The following PCDHGB3 variants were observed in gnomAD, a reference collection of about 807,000 sequenced individuals.
PCDHGB3 encodes protocadherin gamma-B3.
A neutral mutation model predicts 59.2 loss-of-function variants in PCDHGB3; 40 were observed. The ratio of observed to expected loss-of-function variants is 0.68; its 90% confidence interval spans 0.52 to 0.88. PCDHGB3 has a LOEUF of 0.88. Among genes scored for constraint, PCDHGB3 ranks in the 40% least tolerant of loss-of-function variants. The pLI, the probability that PCDHGB3 is intolerant of heterozygous loss-of-function variation, is 0.00. For synonymous variants in PCDHGB3, 581 were observed against 503.6 expected (o/e 1.15, Z -2.06); for missense variants, 1,309 against 1,187.9 (o/e 1.10, Z -1.50).
chr5:141,442,596 T>C (rs2154559877), intron 1 of PCDHGB3: 1 of 152,310 alleles, frequency 6.6e-6, no homozygotes, highest in South Asian at 2.1e-4. Flanking sequence ...TTAAATATTT[T>C]CAGAGATCTC....
rs773048793 is a variant in PCDHGB3, at chr5:141,505,456, A to T, written c.2538A>T (p.Gln846His). The T allele has an allele frequency of 1.3e-5, 21 of 1,614,110 alleles. No homozygotes were observed. The highest frequency in any genetic ancestry group is 1.7e-5 in the Non-Finnish European group (20 of 1,180,044). The change falls in exon 3 of 4, where the codon CAA becomes CAT. Residue 846 changes from glutamine (Q) to histidine (H), a missense_variant. By Grantham distance (24) the Gln-to-His change is conservative (BLOSUM62 0). Coordinates refer to ENST00000576222, the MANE Select transcript of PCDHGB3 (RefSeq NM_018924.5). ...ACCAGTTTGACACAGAGATGCTGCA[A>T]GCCATGATCTTGGCGTCCGCCAGTG... ...PNNQFDTEML[Q>H]AMILASASEA...
chr5:141,414,702 A>G, intron 1 of PCDHGB3: 1 of 1,613,974 alleles, frequency 6.2e-7, no homozygotes, highest in Non-Finnish European at 8.5e-7. Context: ...CCTCATACAT[A>G]TCCATCAACT....
At chr5:141,433,028 G>C in intron 1 of PCDHGB3, 1 of 1,614,116 alleles carries the variant, frequency 6.2e-7, no homozygotes, top group Non-Finnish European at 8.5e-7. Context: ...TTCCCACGAG[G>C]TTTCCCTCAC....
rs1407225048 is a variant in PCDHGB3 at position 141,489,600 on chromosome 5, G to T, written c.2416-5207G>T. On this transcript the variant is annotated intron_variant, in intron 1 of 3. Coordinates refer to ENST00000576222, the MANE Select transcript of PCDHGB3 (RefSeq NM_018924.5). The surrounding 1 kb of genome is among the most constrained non-coding windows in gnomAD (Gnocchi z 4.5). ...ACCCCCTGGAGCTAATCCGTGTAGA[G>T]GTAGAGATCCTGGATCTCAATGACA... The T allele has an allele frequency of 7.4e-6, 12 of 1,613,916 alleles. 1 individual carries two copies. In the South Asian group the frequency reaches 1.2e-4, roughly 16 times the overall value.
intron 1 of PCDHGB3, chr5:141,419,113 C>A: frequency 6.2e-7 from 1 of 1,613,872 alleles, no homozygotes; most frequent in Non-Finnish European, 8.5e-7. Flanking sequence ...CCCCAGAGTA[C>A]AACGTCACCA....
At chr5:141,429,486 A>C (rs2097218130) in intron 1 of PCDHGB3, among the ~76,000 whole-genome samples, 1 of 152,114 alleles carries the variant, frequency 6.6e-6, no homozygotes, top group Non-Finnish European at 1.5e-5. Context: ...AGTAGCTGAG[A>C]CTACAGTTGC....
In PCDHGB3 at chr5:141,370,989, C is replaced by A; in HGVS notation, c.595C>A (p.Pro199Thr). The A allele has an allele frequency of 1.2e-6, 2 of 1,613,982 alleles. No individual in the cohort carries two copies. Among genetic ancestry groups the A allele is most frequent in the East Asian group, 2.2e-5 (1 of 44,884 alleles). ...GTACCCAGAGCTAGTACTGAAAGCACCCCTGGACAGGGAAGAGCAGCCACA... is the reference window on the plus strand; with the variant it reads ...GTACCCAGAGCTAGTACTGAAAGCAACCCTGGACAGGGAAGAGCAGCCACA... ...SRYPELVLKA[P>T]LDREEQPHHH... The change falls in exon 1 of 4, where the codon CCC becomes ACC. Residue 199 changes from proline to threonine, a missense_variant. By Grantham distance (38) the Pro-to-Thr change is conservative. Transcript: ENST00000576222.
At position 141,486,460 on chromosome 5, in the gene PCDHGB3, T is replaced by A. The variant is rs1218788640; in HGVS notation, c.2416-8347T>A. 6.2e-7 allele frequency: 1 copy of A among 1,614,146 alleles called. No individual in the cohort carries two copies. Among genetic ancestry groups the A allele is most frequent in the South Asian group, 1.1e-5 (1 of 91,082 alleles). On this transcript the variant is annotated intron_variant, in intron 1 of 3. Coordinates refer to ENST00000576222, the MANE Select transcript of PCDHGB3 (RefSeq NM_018924.5). The surrounding 1 kb of genome is among the most constrained non-coding windows in gnomAD (Gnocchi z 5.0). Reference sequence around the variant, plus strand: ...ATGACATCATGGTCACTGCTTCTGATGCTGGGAACCCTCCTCTCAGTACCC... The same window carrying A: ...ATGACATCATGGTCACTGCTTCTGAAGCTGGGAACCCTCCTCTCAGTACCC...
chr5:141,386,155 C>G (rs763846568), intron 1 of PCDHGB3, among the ~76,000 whole-genome samples: 1 of 152,160 alleles, frequency 6.6e-6, no homozygotes, highest in Non-Finnish European at 1.5e-5. Flanking sequence ...AACTGTCTCA[C>G]GTACTCAAAC....
At chr5:141,471,095 C>T (rs1266802067) in intron 1 of PCDHGB3, among the ~76,000 whole-genome samples, 1 of 144,764 alleles carries the variant, frequency 6.9e-6, no homozygotes, top group East Asian at 2.0e-4. Context: ...GTTGTCCAGG[C>T]TAGAGTGCAG....
chr5:141,468,230 TAGG>T (rs1451844939), intron 1 of PCDHGB3, among the ~76,000 whole-genome samples: 9 of 141,220 alleles, frequency 6.4e-5, no homozygotes, highest in South Asian at 2.2e-4. Context: ...GAGGATGAGG[TAGG>T]AGAATTGCCT....
chr5:141,398,088 C>T lies in PCDHGB3; in HGVS notation c.2415+25279C>T, dbSNP rs781722295. On this transcript the variant is annotated intron_variant, in intron 1 of 3. Coordinates refer to ENST00000576222, the MANE Select transcript of PCDHGB3 (RefSeq NM_018924.5). ...AATACAGAGGTTATTTGTAACCTGGCGTCTCCAGGCTGGTGAGCAAGCTGA... is the reference window on the plus strand; with the variant it reads ...AATACAGAGGTTATTTGTAACCTGGTGTCTCCAGGCTGGTGAGCAAGCTGA... The T allele has an allele frequency of 1.1e-5, 18 of 1,598,420 alleles. 1 individual carries two copies. In the South Asian group the frequency reaches 1.9e-4, roughly 17 times the overall value.
At chr5:141,502,191 A>G (rs2099813218) in intron 2 of PCDHGB3, among the ~76,000 whole-genome samples, 1 of 152,170 alleles carries the variant, frequency 6.6e-6, no homozygotes, top group Non-Finnish European at 1.5e-5. Flanking sequence ...TAATACAATA[A>G]TATAGAATCC....
intron 1 of PCDHGB3, chr5:141,376,316 G>C: frequency 6.2e-7 from 1 of 1,614,224 alleles, no homozygotes; most frequent in South Asian, 1.1e-5. Flanking sequence ...GGGCGTGGAA[G>C]GGGTTCGGGC....
At chr5:141,403,789 C>G (rs1230029917) in intron 1 of PCDHGB3, 1 of 1,613,864 alleles carries the variant, frequency 6.2e-7, no homozygotes. Context: ...AAGTGGCATA[C>G]AAATTCTGGA....
intron 1 of PCDHGB3, chr5:141,478,920 CCAGTGG>C: frequency 2.7e-6 from 2 of 728,392 alleles, no homozygotes; most frequent in South Asian, 4.5e-5. Flanking sequence ...ATACCTCTAA[CCAGTGG>C]CAGCTTCTAG....
chr5:141,483,243 ATATATCATGAGGTTTTTTTGTT>A (rs555469799), intron 1 of PCDHGB3, among the ~76,000 whole-genome samples: 11 of 151,654 alleles, frequency 7.3e-5, no homozygotes, highest in African/African-American at 2.2e-4. Context: ...ACTGATATGC[ATATATCATGAGGTTTTTTTGTT>A]TTAGAAATAT....
chr5:141,426,364 G>C (rs918838005), intron 1 of PCDHGB3: 1 of 202,328 alleles, frequency 4.9e-6, no homozygotes, highest in Non-Finnish European at 1.0e-5. Flanking sequence ...TTTGTTCTGC[G>C]GGGCACCCTC....
intron 1 of PCDHGB3, chr5:141,400,610 T>C (rs1561677991): frequency 3.2e-6 from 5 of 1,573,090 alleles, no homozygotes; most frequent in Non-Finnish European, 4.4e-6. Flanking sequence ...TCAAGTCCAA[T>C]GAGTTGTCTT....
Sources: allele counts gnomAD v4.1 joint callset (sites outside exome capture counted in the v4.1 genomes callset), GRCh38; gene constraint gnomAD v4.1.1; non-coding constraint Gnocchi (gnomAD v3.1); transcripts MANE v1.5; gene names NCBI Gene and HGNC (gene_info 2026-07-23, HGNC 2026-07-21).